The following L3MBTL3 variants were observed in gnomAD, a reference collection of about 807,000 sequenced individuals.
The protein encoded by L3MBTL3 is L3MBTL histone methyl-lysine binding protein 3.
In L3MBTL3, 27 loss-of-function variants were observed where a neutral mutation model predicts 102.3. The observed-to-expected ratio is 0.26, with a 90% CI of 0.19 to 0.36. The LOEUF (loss-of-function observed/expected upper bound fraction) is 0.36, where lower values mean the gene tolerates loss of function less well. Ranked by LOEUF, L3MBTL3 falls within the 10% of genes least tolerant of loss-of-function variation. L3MBTL3 has a pLI of 1.00. For synonymous variants in L3MBTL3, 340 were observed against 320.9 expected, an observed-to-expected ratio of 1.06 and a Z score of -0.64; for missense variants, 798 against 955.3, an observed-to-expected ratio of 0.84 and a Z score of 2.17.
intron 16 of L3MBTL3, among the ~76,000 whole-genome samples, chr6:130,086,852 C>A (rs1224922612): frequency 6.6e-6 from 1 of 152,104 alleles, no homozygotes; most frequent in African/African-American, 2.4e-5. Flanking sequence ...ACCCTCAGAC[C>A]AAAACAATGC....
intron 13 of L3MBTL3, among the ~76,000 whole-genome samples, chr6:130,073,877 AG>A (rs1190538834): frequency 6.6e-6 from 1 of 152,148 alleles, no homozygotes; most frequent in African/African-American, 2.4e-5. Flanking sequence ...ATGTACTTTG[AG>A]GATTACTTAG....
chr6:130,091,773 CT>C (rs1784064114), intron 16 of L3MBTL3, among the ~76,000 whole-genome samples: 1 of 151,966 alleles, frequency 6.6e-6, no homozygotes, highest in African/African-American at 2.4e-5. Flanking sequence ...ACAAATATTG[CT>C]TGTTCTCACT....
intron 2 of L3MBTL3, among the ~76,000 whole-genome samples, chr6:130,037,781 A>T (rs958266476): frequency 6.6e-6 from 1 of 152,100 alleles, no homozygotes; most frequent in African/African-American, 2.4e-5. Flanking sequence ...TTGCTTTGGG[A>T]ATATTCAAAA....
intron 13 of L3MBTL3, among the ~76,000 whole-genome samples, chr6:130,075,181 A>T (rs1000091294): frequency 6.6e-6 from 1 of 152,096 alleles, no homozygotes; most frequent in Non-Finnish European, 1.5e-5. Flanking sequence ...AGAGAAACTA[A>T]ACACCACTGT....
At chr6:130,050,394 T>C (rs1287014762) in intron 5 of L3MBTL3, among the ~76,000 whole-genome samples, 1 of 152,254 alleles carries the variant, frequency 6.6e-6, no homozygotes, top group African/African-American at 2.4e-5. Flanking sequence ...CATGCTTTCT[T>C]GCCTTTACTC....
intron 14 of L3MBTL3, among the ~76,000 whole-genome samples, chr6:130,079,713 T>C (rs559425340): frequency 2.6e-5 from 4 of 152,274 alleles, no homozygotes; most frequent in Admixed American, 2.0e-4. Flanking sequence ...ATTGGAGAGC[T>C]TCAAATTCTA....
intron 15 of L3MBTL3, 66 bp downstream of exon 15, chr6:130,083,771 A>T: frequency 1.3e-6 from 1 of 793,426 alleles, no homozygotes; most frequent in Non-Finnish European, 2.1e-6. Context: ...TGAAGAACAG[A>T]ACAAGATGGT....
chr6:130,021,870 A>G (rs1419023040), intron 1 of L3MBTL3, among the ~76,000 whole-genome samples: 1 of 152,178 alleles, frequency 6.6e-6, no homozygotes, highest in East Asian at 1.9e-4. Context: ...ATTTTATGTA[A>G]TATCTATTCT....
intron 16 of L3MBTL3, 124 bp from the exon 17 acceptor site, chr6:130,092,621 T>G (rs1452060451): frequency 1.7e-6 from 1 of 582,350 alleles, no homozygotes; most frequent in African/African-American, 1.9e-5. Context: ...ATAATTGAAC[T>G]GATTTATTGG....
At chr6:130,107,626 T>C (rs2115379818) in intron 19 of L3MBTL3, among the ~76,000 whole-genome samples, 1 of 152,364 alleles carries the variant, frequency 6.6e-6, no homozygotes, top group Non-Finnish European at 1.5e-5. Flanking sequence ...GTCCCATACA[T>C]TATACAAGCA....
intron 11 of L3MBTL3, among the ~76,000 whole-genome samples, chr6:130,067,560 A>G (rs564713166): frequency 1.3e-5 from 2 of 152,340 alleles, no homozygotes; most frequent in East Asian, 3.9e-4. Context: ...TGAAAAAATA[A>G]TGGCAGAGTG....
At chr6:130,120,839 TG>T (rs1480017713) in intron 19 of L3MBTL3, 39 bp from the exon 20 acceptor site, 1 of 1,484,930 alleles carries the variant, frequency 6.7e-7, no homozygotes, top group Non-Finnish European at 9.4e-7. Context: ...TTTTTTAAAA[TG>T]TTTCTCTTAT....
At chr6:130,087,720 A>C (rs1783775904) in intron 16 of L3MBTL3, among the ~76,000 whole-genome samples, 1 of 152,222 alleles carries the variant, frequency 6.6e-6, no homozygotes, top group Non-Finnish European at 1.5e-5. Context: ...CAACCACAGT[A>C]GCTGATGGGT....
chr6:130,033,471 C>A (rs1024449344), intron 2 of L3MBTL3, among the ~76,000 whole-genome samples: 4 of 152,224 alleles, frequency 2.6e-5, no homozygotes, highest in African/African-American at 9.7e-5. Context: ...TGGCTTTTCT[C>A]ATTGCTGTCT....
At chr6:130,064,668 G>A (rs374579742) in intron 10 of L3MBTL3, among the ~76,000 whole-genome samples, 48 of 152,296 alleles carry the variant, frequency 3.2e-4, no homozygotes, top group Middle Eastern at 3.4e-3. Context: ...GTGGGAGGCA[G>A]CAACCCGTCC....
intron 22 of L3MBTL3, among the ~76,000 whole-genome samples, chr6:130,135,070 C>CTTTTTTTTTT (rs5880000): frequency 7.8e-6 from 1 of 127,418 alleles, no homozygotes; most frequent in African/African-American, 3.0e-5. Flanking sequence ...CTGTTTTTTC[C>CTTTTTTTTTT]TTTTTTTTTT....
At chr6:130,089,579 T>C (rs1374840764) in intron 16 of L3MBTL3, among the ~76,000 whole-genome samples, 1 of 152,140 alleles carries the variant, frequency 6.6e-6, no homozygotes, top group East Asian at 1.9e-4. Flanking sequence ...TGGGTATATA[T>C]CCAGTAATGA....
rs117858510 is a variant in L3MBTL3 at position 130,135,669 on chromosome 6, A to G, written c.2199+1764A>G. Among the ~76,000 whole-genome samples, 21 of 152,306 alleles carry G rather than the reference A, an allele frequency of 1.4e-4. 1 individual carries two copies. The East Asian group carries it at 4.0e-3, about 29-fold the overall frequency. The stretch of plus-strand genomic sequence containing the variant: ...TGGAGATGTTCCTCAGTTACCAAAT[A>G]TGCTCAAAGCTAGATCCTTTTCTGG... On this transcript the variant is annotated intron_variant, in intron 22 of 22. Coordinates refer to ENST00000361794, the MANE Select transcript of L3MBTL3 (RefSeq NM_032438.4).
rs549118865 is a variant in L3MBTL3, at chr6:130,024,538, G to A, written c.-16+2233G>A. ...TTGATTCTTAAAGAATTTTGACTGG[G>A]TTGGTAGTTTATTTTTAAGAATTCC... On this transcript the variant is annotated intron_variant, in intron 2 of 22. Transcript: ENST00000361794. Among the ~76,000 whole-genome samples, 6 of 152,262 alleles carry A rather than the reference G, an allele frequency of 3.9e-5. No homozygotes were observed. In the South Asian group the frequency reaches 8.3e-4, roughly 21 times the overall value.
Sources: gnomAD v4.1 joint callset for allele counts (sites outside exome capture counted in the v4.1 genomes callset) on GRCh38, gnomAD v4.1.1 for gene constraint, MANE v1.5 for transcripts, NCBI Gene and HGNC (gene_info 2026-07-23, HGNC 2026-07-21) for gene names.